The following KCTD16 variants were observed in gnomAD, a reference collection of about 807,000 sequenced individuals.
The protein encoded by KCTD16 is BTB/POZ domain-containing protein KCTD16.
In KCTD16, 13 loss-of-function variants were observed where a neutral mutation model predicts 33.2. That is an observed-to-expected ratio of 0.39 (90% confidence interval 0.25 to 0.62). The LOEUF (loss-of-function observed/expected upper bound fraction) is 0.62, where lower values mean the gene tolerates loss of function less well. KCTD16 is among the 20% of genes least tolerant of loss of function. The pLI, the probability that KCTD16 is intolerant of heterozygous loss-of-function variation, is 0.50. For synonymous variants in KCTD16, 197 were observed against 195.3 expected, an observed-to-expected ratio of 1.01 and a Z score of -0.07; for missense variants, 441 against 525.1, an observed-to-expected ratio of 0.84 and a Z score of 1.57.
At chr5:144,221,349 T>C (rs2126803779) in intron 3 of KCTD16, among the ~76,000 whole-genome samples, 1 of 152,262 alleles carries the variant, frequency 6.6e-6, no homozygotes, top group South Asian at 2.1e-4. Flanking sequence ...ACACATGCCA[T>C]GGTGGTTTGC....
intron 3 of KCTD16, among the ~76,000 whole-genome samples, chr5:144,218,697 A>G (rs764489075): frequency 6.6e-6 from 1 of 152,206 alleles, no homozygotes; most frequent in Non-Finnish European, 1.5e-5. Flanking sequence ...ATGATTATCA[A>G]AATGGTATAT....
intron 3 of KCTD16, among the ~76,000 whole-genome samples, chr5:144,251,654 C>T (rs1754703796): frequency 6.6e-6 from 1 of 152,112 alleles, no homozygotes; most frequent in South Asian, 2.1e-4. Context: ...CAGGAGTTTC[C>T]TGACCATTTA....
chr5:144,303,938 C>A (rs1233699055), intron 3 of KCTD16, among the ~76,000 whole-genome samples: 1 of 152,158 alleles, frequency 6.6e-6, no homozygotes, highest in Non-Finnish European at 1.5e-5. Flanking sequence ...ATGTCACAGC[C>A]TTAAACACAC....
chr5:144,266,149 G>A (rs1755136281), intron 3 of KCTD16, among the ~76,000 whole-genome samples: 1 of 152,140 alleles, frequency 6.6e-6, no homozygotes, highest in South Asian at 2.1e-4. Context: ...AATACTTTTA[G>A]GCTATGGTTA....
chr5:144,406,474 C>A (rs1455050634), intron 3 of KCTD16, among the ~76,000 whole-genome samples: 1 of 152,180 alleles, frequency 6.6e-6, no homozygotes, highest in Non-Finnish European at 1.5e-5. Flanking sequence ...CTTTTGAATG[C>A]TTTACCAATG....
At chr5:144,284,016 A>T (rs757639731) in intron 3 of KCTD16, among the ~76,000 whole-genome samples, 20 of 152,302 alleles carry the variant, frequency 1.3e-4, no homozygotes, top group Non-Finnish European at 2.1e-4. Flanking sequence ...CCTCCTTTTC[A>T]TGGCCTGTGT....
chr5:144,256,819 A>G (rs1326287587), intron 3 of KCTD16, among the ~76,000 whole-genome samples: 6 of 138,762 alleles, frequency 4.3e-5, no homozygotes, highest in Admixed American at 2.8e-4. Context: ...TTTTTTGCAG[A>G]TTTCAAATAT....
At chr5:144,420,204 C>T (rs1284707987) in intron 3 of KCTD16, among the ~76,000 whole-genome samples, 3 of 151,962 alleles carry the variant, frequency 2.0e-5, no homozygotes, top group African/African-American at 7.3e-5. Context: ...CTGTTCTGTG[C>T]GTTATAGGAT....
chr5:144,284,312 AAG>A (rs1346416337), intron 3 of KCTD16, among the ~76,000 whole-genome samples: 1 of 152,186 alleles, frequency 6.6e-6, no homozygotes, highest in East Asian at 1.9e-4. Context: ...CAGGCATAGG[AAG>A]AGAGCATTGA....
At chr5:144,333,876 C>T (rs1036249461) in intron 3 of KCTD16, among the ~76,000 whole-genome samples, 6 of 152,138 alleles carry the variant, frequency 3.9e-5, no homozygotes, top group African/African-American at 1.4e-4. Flanking sequence ...CATCAGTTTG[C>T]CACATCTGGC....
intron 3 of KCTD16, among the ~76,000 whole-genome samples, chr5:144,356,330 T>C (rs1751570691): frequency 6.6e-6 from 1 of 152,196 alleles, no homozygotes; most frequent in African/African-American, 2.4e-5. Flanking sequence ...CGTGTACATA[T>C]ATAAGTATAT....
At chr5:144,292,503 A>G (rs1414590083) in intron 3 of KCTD16, among the ~76,000 whole-genome samples, 1 of 152,210 alleles carries the variant, frequency 6.6e-6, no homozygotes, top group Non-Finnish European at 1.5e-5. Flanking sequence ...AGGTGAAATG[A>G]AAGAAATTGT....
intron 3 of KCTD16, among the ~76,000 whole-genome samples, chr5:144,425,059 C>T (rs1034459359): frequency 6.6e-6 from 1 of 152,106 alleles, no homozygotes; most frequent in African/African-American, 2.4e-5. Flanking sequence ...ACAGGTGAGA[C>T]TCAAGGCATG....
intron 2 of KCTD16, among the ~76,000 whole-genome samples, chr5:144,204,799 T>C (rs1301740258): frequency 1.3e-5 from 2 of 151,964 alleles, no homozygotes; most frequent in East Asian, 3.9e-4. Context: ...ATTTATTTGC[T>C]AGGGGTTGTG....
At chr5:144,358,127 T>C (rs1294900672) in intron 3 of KCTD16, among the ~76,000 whole-genome samples, 1 of 137,476 alleles carries the variant, frequency 7.3e-6, no homozygotes, top group African/African-American at 2.8e-5. Flanking sequence ...AGAGACGAGA[T>C]CTCACTGTGT....
intron 2 of KCTD16, among the ~76,000 whole-genome samples, chr5:144,196,525 CAG>C (rs1036282250): frequency 1.2e-4 from 18 of 152,006 alleles, no homozygotes; most frequent in African/African-American, 4.1e-4. Context: ...ATGTCCTATC[CAG>C]GAGTAATTGC....
chr5:144,328,896 T>G (rs1413873954), intron 3 of KCTD16, among the ~76,000 whole-genome samples: 1 of 152,060 alleles, frequency 6.6e-6, no homozygotes, highest in Non-Finnish European at 1.5e-5. Flanking sequence ...TGATTTCTTA[T>G]TGCCTGATTC....
intron 3 of KCTD16, among the ~76,000 whole-genome samples, chr5:144,265,623 A>G (rs1160646038): frequency 2.0e-5 from 3 of 152,244 alleles, no homozygotes; most frequent in Non-Finnish European, 2.9e-5. Flanking sequence ...TTCTATGCCC[A>G]AAACTGTGCT....
At chr5:144,359,954 C>T (rs545578187) in intron 3 of KCTD16, among the ~76,000 whole-genome samples, 116 of 152,082 alleles carry the variant, frequency 7.6e-4, no homozygotes, top group Non-Finnish European at 1.6e-3. Context: ...GGTGACAAAT[C>T]ACAAAACTTC....
Sources: allele counts gnomAD v4.1 joint callset (sites outside exome capture counted in the v4.1 genomes callset), GRCh38; gene constraint gnomAD v4.1.1; transcripts MANE v1.5; gene names NCBI Gene and HGNC (gene_info 2026-07-23, HGNC 2026-07-21).